The following INTS12 variants were observed in gnomAD, a reference collection of about 807,000 sequenced individuals.
The protein encoded by INTS12 is integrator complex subunit 12.
Under a neutral mutation model 41.6 loss-of-function variants are expected in INTS12, and 13 were observed. That is an observed-to-expected ratio of 0.31 (90% CI 0.20 to 0.50). The LOEUF (loss-of-function observed/expected upper bound fraction) is 0.50, where lower values mean the gene tolerates loss of function less well. Among genes scored for constraint, INTS12 ranks in the 20% least tolerant of loss-of-function variants. The pLI is 0.98. For missense variants in INTS12, 432 were observed against 541.6 expected (o/e 0.80, Z 2.01); for synonymous variants, 199 against 191.4 (o/e 1.04, Z -0.33).
At chr4:105,700,689 A>C (rs1732035617) in intron 2 of INTS12, among the ~76,000 whole-genome samples, 2 of 143,586 alleles carry the variant, frequency 1.4e-5, no homozygotes, top group Non-Finnish European at 1.5e-5. Context: ...CTGAGGGATA[A>C]TATCATATCT....
chr4:105,708,307 G>A (rs989177181), intron 1 of INTS12: 23 of 985,436 alleles, frequency 2.3e-5, no homozygotes, highest in Non-Finnish European at 2.7e-5. Context: ...CTTGACAGGG[G>A]AGCCAAAAGA....
Position 105,699,910 on chromosome 4 carries a change from T to C in INTS12, c.96A>G (p.Lys32=). The C allele has an allele frequency of 6.4e-7, 1 of 1,568,210 alleles. No individual in the cohort carries two copies. The highest frequency in any genetic ancestry group is 1.2e-5 in the South Asian group (1 of 85,802). Reference sequence around the variant, plus strand: ...GAGCCAAAGATTCATCAAGCAGTGCTTTTAGCTTTTCAGCAGAATCTTTAC... The same window carrying C: ...GAGCCAAAGATTCATCAAGCAGTGCCTTTAGCTTTTCAGCAGAATCTTTAC... ...SKSKDSAEKL[K]ALLDESLARG... The change falls in exon 3 of 8, where the codon AAA becomes AAG. Residue 32 remains lysine (K), a synonymous_variant. Transcript: ENST00000340139.
In INTS12 at chr4:105,695,490, TTAACAAGATTAAA is replaced by T; in HGVS notation, c.309+13_309+25del. Reference sequence around the variant, plus strand: ...TATGGAACAACTAATTTACTTTCTTTTAACAAGATTAAAATAAAATCTTACTTTATCAGCAGGT... The same window carrying T: ...TATGGAACAACTAATTTACTTTCTTTATAAAATCTTACTTTATCAGCAGGT... On this transcript the variant is annotated intron_variant, in intron 4 of 7. Transcript: ENST00000340139. 6.4e-7 allele frequency: 1 copy of T among 1,562,740 alleles called. No individual in the cohort carries two copies. Among genetic ancestry groups the T allele is most frequent in the Non-Finnish European group, 8.7e-7 (1 of 1,152,950 alleles).
At position 105,708,673 on chromosome 4, in the gene INTS12, GT is replaced by G; in HGVS notation, c.-208del. ...CGCCCTGCCGATCCGTCTGTTCCCG[GT>G]GGTCCCTTCGGAAACGGTTCCCGCA... On this transcript the variant is annotated 5_prime_UTR_variant, in exon 1 of 8. Coordinates refer to ENST00000340139, the MANE Select transcript of INTS12 (RefSeq NM_020395.4). The G allele has an allele frequency of 1.1e-6, 1 of 918,286 alleles. No homozygotes were observed. The highest frequency in any genetic ancestry group is 1.3e-6 in the Non-Finnish European group (1 of 768,780). 56.9% of individuals were successfully genotyped at this position (918,286 alleles called of 1,614,324 possible). A position where few individuals can be genotyped will look rare whatever the true frequency, so the allele number is the denominator to read the frequency against.
intron 1 of INTS12, chr4:105,705,925 T>C (rs1335440487): frequency 6.6e-6 from 1 of 152,242 alleles, no homozygotes; most frequent in East Asian, 1.9e-4. Context: ...TTGCCTACTG[T>C]TGTAACCCCT....
intron 6 of INTS12, chr4:105,687,161 A>G: frequency 3.7e-6 from 1 of 269,638 alleles, no homozygotes; most frequent in Non-Finnish European, 7.2e-6. Flanking sequence ...AGCTTTACTC[A>G]TGATGAAGTA....
Position 105,685,816 on chromosome 4 carries a change from T to C in INTS12, c.804+876A>G, listed in dbSNP as rs190123360. 2.8e-3 allele frequency among the ~76,000 whole-genome samples: 424 copies of C among 152,278 alleles called. 3 individuals carry two copies. The highest frequency in any genetic ancestry group is 9.8e-3 in the African/African-American group (408 of 41,574). On this transcript the variant is annotated intron_variant, in intron 7 of 7. Coordinates refer to ENST00000340139, the MANE Select transcript of INTS12 (RefSeq NM_020395.4). ...CAAGATATTAAGAAATAATGTAGTA[T>C]GATTTCAAGGATGCAAACTTAGGAA...
chr4:105,699,093 G>T (rs749662473), intron 3 of INTS12, among the ~76,000 whole-genome samples: 5 of 152,130 alleles, frequency 3.3e-5, no homozygotes, highest in Non-Finnish European at 7.4e-5. Context: ...CTGCAAAGTA[G>T]TTCTTATTAT....
In INTS12 at chr4:105,683,057, C is replaced by T. The variant is rs769128380; in HGVS notation, c.1065G>A (p.Thr355=). The T allele has an allele frequency of 1.4e-5, 23 of 1,613,916 alleles. No homozygotes were observed. The highest frequency in any genetic ancestry group is 1.6e-4 in the Middle Eastern group (1 of 6,082). ...GSKIGSNNST[T]PTVPLKPPPP... ...GAGGTGGTTTTAAAGGTACAGTGGG[C>T]GTAGTGCTGTTATTGGAACCTATTT... is the stretch of plus-strand genomic sequence containing the variant. The change falls in exon 8 of 8, where the codon ACG becomes ACA. Residue 355 remains threonine, a synonymous_variant. Transcript: ENST00000340139.
At position 105,682,870 on chromosome 4, in the gene INTS12, T is replaced by G. The variant is rs1318917646; in HGVS notation, c.1252A>C (p.Ser418Arg). ...CTGCTGGATTCTGAAGTAGTTTTGC[T>G]GGTAGTACTTCCACTAGGTCCTGAT... is the stretch of plus-strand genomic sequence containing the variant. ...GTSGPSGSTT[S>R]KTTSESSSSP... is the part of the protein sequence containing the mutation. Residue 418 changes from serine (S) to arginine (R), a missense_variant, in exon 8 of 8, where the codon AGC becomes CGC. Physicochemically the swap from Ser to Arg is moderately radical, Grantham distance 110. This residue lies in a region of INTS12 where 258 missense variants were observed against 309.9 expected (regional missense o/e 0.83). Coordinates refer to ENST00000340139, the MANE Select transcript of INTS12 (RefSeq NM_020395.4). 6.2e-7 allele frequency: 1 copy of G among 1,614,094 alleles called. No homozygotes were observed. The highest frequency in any genetic ancestry group is 1.7e-5 in the Admixed American group (1 of 60,016).
In INTS12 at chr4:105,682,811, T is replaced by C; in HGVS notation, c.1311A>G (p.Ser437=). ...SPSASLKGPT[S]QESQLNAMKR... The stretch of plus-strand genomic sequence containing the variant: ...TCATAGCATTGAGCTGTGATTCTTG[T>C]GAAGTTGGGCCTTTAAGGGATGCTG... Residue 437 remains serine (S), a synonymous_variant, in exon 8 of 8, where the codon TCA becomes TCG. Coordinates refer to ENST00000340139, the MANE Select transcript of INTS12 (RefSeq NM_020395.4). The C allele has an allele frequency of 6.2e-7, 1 of 1,614,130 alleles. No individual in the cohort carries two copies. The highest frequency in any genetic ancestry group is 1.1e-5 in the South Asian group (1 of 91,086).
At position 105,702,130 on chromosome 4, in the gene INTS12, C is replaced by CTTTT. The variant is rs950826694; in HGVS notation, c.-10+1514_-10+1517dup. On this transcript the variant is annotated intron_variant, in intron 2 of 7. Transcript: ENST00000340139. ...TTAACTTTTTAATTTATTTCTATTT[C>CTTTT]TTTTTTTTTTTTTTTTTTTTTTTGA... 2.0e-3 allele frequency among the ~76,000 whole-genome samples: 218 copies of CTTTT among 109,504 alleles called. 1 individual carries two copies. Among genetic ancestry groups the CTTTT allele is most frequent in the Middle Eastern group, 6.6e-3 (1 of 152 alleles). The allele number at this position is 109,504 out of a possible 152,430, so 71.8% of individuals were successfully genotyped here. A position where few individuals can be genotyped will look rare whatever the true frequency, so the allele number is the denominator to read the frequency against.
intron 5 of INTS12, among the ~76,000 whole-genome samples, 159 bp from the exon 6 acceptor site, chr4:105,692,294 G>A (rs1731717790): frequency 6.6e-6 from 1 of 151,952 alleles, no homozygotes; most frequent in Non-Finnish European, 1.5e-5. Flanking sequence ...GACCAGCCTG[G>A]CTGACACGGT....
chr4:105,706,911 T>C (rs1732287123), intron 1 of INTS12, among the ~76,000 whole-genome samples: 1 of 152,204 alleles, frequency 6.6e-6, no homozygotes, highest in Non-Finnish European at 1.5e-5. Context: ...TTCAACATTG[T>C]TGCCATATGA....
chr4:105,700,952 G>A (rs1318037499), intron 2 of INTS12, among the ~76,000 whole-genome samples: 2 of 152,084 alleles, frequency 1.3e-5, no homozygotes, highest in African/African-American at 4.8e-5. Context: ...TATTCTTTGT[G>A]TTCAATCCTT....
chr4:105,693,309 C>T lies in INTS12; in HGVS notation c.487G>A (p.Val163Ile), dbSNP rs551994863. Reference protein sequence around the residue: ...DFAMEMGLACVVCRQMMVASG... With the variant: ...DFAMEMGLACIVCRQMMVASG... ...CAAGGTACAACTTACCTACAAACAACGCAGGCCAATCCCATCTCCATGGCA... is the reference window on the plus strand; with the variant it reads ...CAAGGTACAACTTACCTACAAACAATGCAGGCCAATCCCATCTCCATGGCA... Residue 163 changes from valine (V) to isoleucine (I), a missense_variant, in exon 5 of 8, where the codon GTT (valine) becomes ATT (isoleucine). By Grantham distance (29) the Val-to-Ile change is conservative. Around this residue, in one of 3 missense-constraint regions of INTS12, gnomAD observed 168 missense variants for 198.9 expected, o/e 0.84. Coordinates refer to ENST00000340139, the MANE Select transcript of INTS12 (RefSeq NM_020395.4). 1.2e-5 allele frequency: 19 copies of T among 1,597,698 alleles called. No individual in the cohort carries two copies. Among genetic ancestry groups the T allele is most frequent in the Middle Eastern group, 1.7e-4 (1 of 5,992 alleles).
intron 6 of INTS12, among the ~76,000 whole-genome samples, chr4:105,688,012 C>G (rs1348305163): frequency 6.6e-6 from 1 of 152,020 alleles, no homozygotes; most frequent in Non-Finnish European, 1.5e-5. Context: ...TTACCTCAGG[C>G]AAAATATGTG....
intron 1 of INTS12, among the ~76,000 whole-genome samples, chr4:105,707,095 T>C (rs1163810199): frequency 6.6e-6 from 1 of 152,160 alleles, no homozygotes. Context: ...AGATCTGCCT[T>C]ATAGCTAGCT....
chr4:105,702,416 G>C (rs535513248), intron 2 of INTS12, among the ~76,000 whole-genome samples: 1 of 152,016 alleles, frequency 6.6e-6, no homozygotes, highest in Non-Finnish European at 1.5e-5. Flanking sequence ...GATTACAGGC[G>C]TGAGCCACCG....
Sources: allele counts gnomAD v4.1 joint callset (sites outside exome capture counted in the v4.1 genomes callset), GRCh38; gene constraint gnomAD v4.1.1; regional missense constraint gnomAD v4.1.1; transcripts MANE v1.5; gene names NCBI Gene and HGNC (gene_info 2026-07-23, HGNC 2026-07-21).